FMN1: variants seen among roughly 807,000 people sequenced by gnomAD.
The protein encoded by FMN1 is formin-1.
Under a neutral mutation model 132.4 loss-of-function variants are expected in FMN1, and 110 were observed. The ratio of observed to expected loss-of-function variants is 0.83; its 90% CI spans 0.71 to 0.97. The LOEUF (loss-of-function observed/expected upper bound fraction) is 0.97. FMN1 is among the 50% of genes least tolerant of loss of function. The pLI is 0.00. For missense variants in FMN1, 1,792 were observed against 1,705.3 expected, an observed-to-expected ratio of 1.05 and a Z score of -0.90; for synonymous variants, 722 against 651.7, an observed-to-expected ratio of 1.11 and a Z score of -1.64.
intron 3 of FMN1, among the ~76,000 whole-genome samples, chr15:33,170,506 A>T (rs1965277445): frequency 6.6e-6 from 1 of 152,004 alleles, no homozygotes; most frequent in African/African-American, 2.4e-5. Flanking sequence ...TTTTCATCTG[A>T]CAAGAAACAA....
intron 19 of FMN1, among the ~76,000 whole-genome samples, chr15:32,784,805 T>C (rs1340357063): frequency 1.3e-5 from 2 of 152,224 alleles, no homozygotes; most frequent in East Asian, 3.8e-4. Context: ...AAGGCAGAGA[T>C]TGCCTCACAT....
chr15:32,837,485 A>G (rs1205265670), intron 17 of FMN1, among the ~76,000 whole-genome samples: 4 of 152,066 alleles, frequency 2.6e-5, no homozygotes, highest in Non-Finnish European at 4.4e-5. Context: ...GGTTCTATGC[A>G]CCTCAGCAAC....
At position 32,899,909 on chromosome 15, in the gene FMN1, T is replaced by C. The variant is rs569089657; in HGVS notation, c.3654+70A>G. 2.5e-5 allele frequency: 37 copies of C among 1,484,556 alleles called. 1 individual carries two copies. The South Asian group carries it at 2.9e-4, about 12-fold the overall frequency. The allele number at this position is 1,484,556 out of a possible 1,614,324, so 92.0% of individuals were successfully genotyped here. ...GATAAATGGAACAATCTGGAATACG[T>C]TTTTTAAAATTAAAGGTAAAGAAAG... On this transcript the variant is annotated intron_variant, in intron 14 of 20. Transcript: ENST00000616417.
intron 9 of FMN1, among the ~76,000 whole-genome samples, chr15:32,936,713 G>A (rs2061281425): frequency 6.6e-6 from 1 of 151,916 alleles, no homozygotes; most frequent in Non-Finnish European, 1.5e-5. Flanking sequence ...AGAAGGAAAG[G>A]AAGGAAGGAG....
At chr15:32,955,119 G>A (rs1596338314) in intron 9 of FMN1, among the ~76,000 whole-genome samples, 1 of 152,118 alleles carries the variant, frequency 6.6e-6, no homozygotes, top group Non-Finnish European at 1.5e-5. Context: ...ACAATAATAG[G>A]AACCGTCTCA....
chr15:33,107,106 A>G (rs1021219999), intron 4 of FMN1, among the ~76,000 whole-genome samples: 3 of 151,858 alleles, frequency 2.0e-5, no homozygotes, highest in Non-Finnish European at 2.9e-5. Flanking sequence ...AATAGCTCTC[A>G]GTTTCTAAGA....
intron 6 of FMN1, among the ~76,000 whole-genome samples, chr15:33,044,866 C>T (rs1395445031): frequency 1.3e-5 from 2 of 152,248 alleles, no homozygotes; most frequent in African/African-American, 2.4e-5. Context: ...TTGCTCCCCC[C>T]TCCACTTGTC....
chr15:32,935,906 G>A, intron 9 of FMN1, among the ~76,000 whole-genome samples: 1 of 152,100 alleles, frequency 6.6e-6, no homozygotes, highest in Non-Finnish European at 1.5e-5. Flanking sequence ...GATTACAGGC[G>A]TGAGCCACCG....
intron 12 of FMN1, among the ~76,000 whole-genome samples, chr15:32,903,786 G>A (rs347921): frequency 0.27 from 40,612 of 151,888 alleles, 5,695 homozygotes; most frequent in Non-Finnish European, 0.29. Context: ...TGTATGTTAC[G>A]CAAGAAAGGG....
At chr15:33,126,456 A>G (rs1188707378) in intron 4 of FMN1, among the ~76,000 whole-genome samples, 1 of 152,162 alleles carries the variant, frequency 6.6e-6, no homozygotes, top group Non-Finnish European at 1.5e-5. Context: ...GGCAGAGTGG[A>G]TCCCATAACG....
Position 32,926,097 on chromosome 15 carries a change from T to C in FMN1, c.3226+77A>G. 1.5e-5 allele frequency: 12 copies of C among 784,212 alleles called. 1 individual carries two copies. In the South Asian group the frequency reaches 2.0e-4, roughly 13 times the overall value. 48.6% of individuals were successfully genotyped at this position (784,212 alleles called of 1,614,324 possible). ...TTCATTAGGGCATTCTAACTTTGTATGTGTTTGACATTCTTCAGAATGAAA... is the reference window on the plus strand; with the variant it reads ...TTCATTAGGGCATTCTAACTTTGTACGTGTTTGACATTCTTCAGAATGAAA... On this transcript the variant is annotated intron_variant, in intron 10 of 20. Coordinates refer to ENST00000616417, the MANE Select transcript of FMN1 (RefSeq NM_001277313.2).
In FMN1 at chr15:32,806,075, AGTT is replaced by A. The variant is rs562643384; in HGVS notation, c.3929-1746_3929-1744del. 5.7e-3 allele frequency among the ~76,000 whole-genome samples: 862 copies of A among 152,336 alleles called. 5 individuals carry two copies. Among genetic ancestry groups the A allele is most frequent in the Middle Eastern group, 0.014 (4 of 294 alleles). On this transcript the variant is annotated intron_variant, in intron 17 of 20. Transcript: ENST00000616417. ...TTTAAAATATCCAGAAAAATAGGAA[AGTT>A]GTTAACATAAGCTACAACATAAGTT...
chr15:33,060,238 A>G (rs1020340674), intron 6 of FMN1, among the ~76,000 whole-genome samples: 7 of 152,238 alleles, frequency 4.6e-5, no homozygotes, highest in African/African-American at 1.7e-4. Context: ...GTCTGGACAC[A>G]TAACTTTAAA....
At chr15:32,804,229 C>CA in intron 18 of FMN1, 52 bp downstream of exon 18, 1 of 1,296,706 alleles carries the variant, frequency 7.7e-7, no homozygotes, top group South Asian at 1.3e-5. Context: ...AATAATAATA[C>CA]AAAAGAATGG....
intron 10 of FMN1, among the ~76,000 whole-genome samples, chr15:32,924,839 G>A (rs1445461806): frequency 1.3e-5 from 2 of 152,122 alleles, no homozygotes; most frequent in Non-Finnish European, 2.9e-5. Flanking sequence ...ACTTGAATCC[G>A]GGAGGCAGAG....
chr15:33,010,995 G>A (rs1029407810), intron 6 of FMN1, among the ~76,000 whole-genome samples: 26 of 62,430 alleles, frequency 4.2e-4, no homozygotes, highest in African/African-American at 1.1e-3. Flanking sequence ...TTCCCAAACT[G>A]ATTCCTTCAA....
chr15:33,032,040 G>T (rs1018389206), intron 6 of FMN1, among the ~76,000 whole-genome samples: 1 of 152,164 alleles, frequency 6.6e-6, no homozygotes, highest in Non-Finnish European at 1.5e-5. Context: ...ACTACTGCTA[G>T]AACTGTTGCT....
intron 9 of FMN1, among the ~76,000 whole-genome samples, chr15:32,938,704 T>G (rs1025229380): frequency 9.9e-5 from 15 of 152,202 alleles, no homozygotes; most frequent in African/African-American, 3.4e-4. Flanking sequence ...AGACTTACCC[T>G]GCCAAGTATT....
chr15:33,077,753 G>A, intron 5 of FMN1, among the ~76,000 whole-genome samples: 1 of 149,520 alleles, frequency 6.7e-6, no homozygotes. Context: ...TCTGACAAAG[G>A]GCTAATATCC....
Sources: gnomAD v4.1 joint callset for allele counts (sites outside exome capture counted in the v4.1 genomes callset) on GRCh38, gnomAD v4.1.1 for gene constraint, MANE v1.5 for transcripts, NCBI Gene and HGNC (gene_info 2026-07-23, HGNC 2026-07-21) for gene names.